Variants in WDR36 observed in about 807,000 individuals in gnomAD.
WDR36 encodes WD repeat domain 36.
In WDR36, 63 loss-of-function variants were observed where a neutral mutation model predicts 112.7. The observed-to-expected ratio is 0.56, with a 90% CI of 0.46 to 0.69. The LOEUF (loss-of-function observed/expected upper bound fraction) is 0.69. WDR36 is among the 30% of genes least tolerant of loss of function. WDR36 has a pLI of 0.00. For missense variants in WDR36, 1,226 were observed against 1,070.3 expected (o/e 1.15, Z -2.03); for synonymous variants, 410 against 362.2 (o/e 1.13, Z -1.50).
At chr5:111,099,582 G>C (rs1276181134) in intron 4 of WDR36, among the ~76,000 whole-genome samples, 1 of 150,918 alleles carries the variant, frequency 6.6e-6, no homozygotes, top group Non-Finnish European at 1.5e-5. Context: ...CAAGTAGAGG[G>C]AGGGAACAGA....
chr5:111,118,957 AT>A (rs1483556969), intron 16 of WDR36, 55 bp from the exon 17 acceptor site: 17 of 1,435,468 alleles, frequency 1.2e-5, no homozygotes, highest in Non-Finnish European at 1.6e-5. Flanking sequence ...ATTTTTGTGA[AT>A]TATCTCCTTT....
chr5:111,106,040 C>T lies in WDR36; in HGVS notation c.1094-17C>T, dbSNP rs1358171543. 1.9e-6 allele frequency: 3 copies of T among 1,586,480 alleles called. No homozygotes were observed. The African/African-American group carries it at 4.0e-5, about 21-fold the overall frequency. ...AGGATTCATAGCTATGTATGTTCCC[C>T]TTTCCCCCATCCTTAGGATTAATAA... On this transcript the variant is annotated splice_polypyrimidine_tract_variant and intron_variant, in intron 10 of 22. Transcript: ENST00000513710.
At chr5:111,093,974 A>G (rs889838967) in intron 1 of WDR36, among the ~76,000 whole-genome samples, 1 of 152,162 alleles carries the variant, frequency 6.6e-6, no homozygotes, top group African/African-American at 2.4e-5. Flanking sequence ...TACACTGCTC[A>G]GATTAACCAA....
rs2112564693 is a variant in WDR36, at chr5:111,097,139, C to G, written c.251C>G (p.Ala84Gly). Residue 84 changes from alanine to glycine, a missense_variant, in exon 3 of 23, where the codon GCT (alanine) becomes GGT (glycine). Physicochemically the swap from Ala to Gly is moderately conservative, Grantham distance 60. Coordinates refer to ENST00000513710, the MANE Select transcript of WDR36 (RefSeq NM_139281.3). ...MAADGRLVFA[A>G]YGNVFSAFAR... Reference sequence around the variant, plus strand: ...GCTGATGGCAGATTAGTCTTTGCTGCTTATGGAAATGTTTTCTCTGCATTT... The same window carrying G: ...GCTGATGGCAGATTAGTCTTTGCTGGTTATGGAAATGTTTTCTCTGCATTT... The G allele has an allele frequency of 6.2e-7, 1 of 1,613,660 alleles. No individual in the cohort carries two copies. Among genetic ancestry groups the G allele is most frequent in the East Asian group, 2.2e-5 (1 of 44,818 alleles).
rs1421170262 is a variant in WDR36 at position 111,099,898 on chromosome 5, G to A, written c.410-691G>A. On this transcript the variant is annotated intron_variant, in intron 4 of 22. Transcript: ENST00000513710. ...CCTTCTTTGATACACAAATTTACTG[G>A]AAAATAGAGTGGAACATTGTTTTAA... 2.6e-5 allele frequency among the ~76,000 whole-genome samples: 4 copies of A among 151,988 alleles called. No homozygotes were observed. In the South Asian group the frequency reaches 6.2e-4, roughly 24 times the overall value.
At chr5:111,105,701 A>G (rs1417381566) in intron 10 of WDR36, among the ~76,000 whole-genome samples, 3 of 151,252 alleles carry the variant, frequency 2.0e-5, no homozygotes, top group Non-Finnish European at 4.4e-5. Flanking sequence ...GGCATCCAAT[A>G]TTTTTGCTTT....
rs574212359 is a variant in WDR36 at position 111,104,556 on chromosome 5, C to T, written c.907-141C>T. 3.7e-5 allele frequency: 51 copies of T among 1,392,902 alleles called. No homozygotes were observed. The South Asian group carries it at 5.6e-4, about 15-fold the overall frequency. 86.3% of individuals were successfully genotyped at this position (1,392,902 alleles called of 1,614,324 possible). On this transcript the variant is annotated intron_variant, in intron 8 of 22. Transcript: ENST00000513710. ...ATTACAGTTTATTTCTCCCCCAATA[C>T]CCACTCCCTCCCTTGTAGCTCCAGA...
At chr5:111,124,865 G>A (rs1329704706) in intron 21 of WDR36, among the ~76,000 whole-genome samples, 2 of 152,170 alleles carry the variant, frequency 1.3e-5, no homozygotes, top group East Asian at 3.9e-4. Flanking sequence ...GACTTGTTAT[G>A]TTTATGGGGA....
chr5:111,123,961 G>T, intron 20 of WDR36, 37 bp downstream of exon 20: 2 of 1,612,192 alleles, frequency 1.2e-6, no homozygotes, highest in Non-Finnish European at 1.7e-6. Context: ...GTATATCGGT[G>T]TATGTTTGTA....
At chr5:111,126,319 C>G (rs868391361) in intron 22 of WDR36, among the ~76,000 whole-genome samples, 1 of 151,864 alleles carries the variant, frequency 6.6e-6, no homozygotes, top group South Asian at 2.1e-4. Context: ...AAGACTGTTA[C>G]TTTTATGATT....
At chr5:111,105,072 G>A (rs1382164951) in intron 9 of WDR36, among the ~76,000 whole-genome samples, 1 of 151,540 alleles carries the variant, frequency 6.6e-6, no homozygotes, top group Non-Finnish European at 1.5e-5. Context: ...TTAGTCTGCT[G>A]AAAATTATTA....
In WDR36 at chr5:111,130,208, G is replaced by A. The variant is rs1018384729; in HGVS notation, c.*3325G>A. ...TGGTATCTAGTTCCAGGACCCCTGT[G>A]GATACCAAAATCCAAGCAATGCCCT... On this transcript the variant is annotated 3_prime_UTR_variant, in exon 23 of 23. Coordinates refer to ENST00000513710, the MANE Select transcript of WDR36 (RefSeq NM_139281.3). The A allele has an allele frequency of 2.4e-5, 5 of 205,606 alleles. No individual in the cohort carries two copies. Among genetic ancestry groups the A allele is most frequent in the Admixed American group, 6.0e-5 (1 of 16,790 alleles). 12.7% of individuals were successfully genotyped at this position (205,606 alleles called of 1,614,324 possible). A position where few individuals can be genotyped will look rare whatever the true frequency, so the allele number is the denominator to read the frequency against.
intron 4 of WDR36, 122 bp downstream of exon 4, chr5:111,098,961 C>A (rs1189963401): frequency 5.6e-5 from 41 of 730,810 alleles, no homozygotes; most frequent in Non-Finnish European, 9.6e-5. Flanking sequence ...TTAAAAAAAT[C>A]AAAAATCTTT....
chr5:111,094,889 G>T (rs1324621275), intron 1 of WDR36, 31 bp from the exon 2 acceptor site: 3 of 1,553,958 alleles, frequency 1.9e-6, no homozygotes, highest in Non-Finnish European at 2.6e-6. Context: ...GTTTGTTAAT[G>T]AAAATTTAAC....
chr5:111,095,623 A>T (rs1230333808), intron 2 of WDR36, among the ~76,000 whole-genome samples: 1 of 152,188 alleles, frequency 6.6e-6, no homozygotes, highest in African/African-American at 2.4e-5. Flanking sequence ...TTAACAGGGA[A>T]ATATTCATTG....
intron 17 of WDR36, among the ~76,000 whole-genome samples, chr5:111,120,258 G>A (rs1021276604): frequency 6.6e-6 from 1 of 152,020 alleles, no homozygotes; most frequent in Admixed American, 6.6e-5. Flanking sequence ...TCTACTACTG[G>A]TCTGTCTTTA....
rs1753701289 is a variant in WDR36, at chr5:111,127,717, A to G, written c.*834A>G. ...GCTGTAGATGGTTAAACTGATACCA[A>G]GGATAGGTAAGGGAAATTCCAAATT... On this transcript the variant is annotated 3_prime_UTR_variant, in exon 23 of 23. Transcript: ENST00000513710. 4.7e-6 allele frequency: 1 copy of G among 211,004 alleles called. No homozygotes were observed. Among genetic ancestry groups the G allele is most frequent in the Non-Finnish European group, 9.6e-6 (1 of 103,884 alleles). 13.1% of individuals were successfully genotyped at this position (211,004 alleles called of 1,614,324 possible).
intron 2 of WDR36, among the ~76,000 whole-genome samples, chr5:111,095,972 G>A (rs1014107252): frequency 3.3e-5 from 5 of 152,190 alleles, no homozygotes; most frequent in African/African-American, 7.2e-5. Flanking sequence ...TAATGTGTAT[G>A]TGTATTAAAC....
At chr5:111,123,056 C>T (rs934713114) in intron 19 of WDR36, among the ~76,000 whole-genome samples, 43 of 152,092 alleles carry the variant, frequency 2.8e-4, no homozygotes, top group Middle Eastern at 3.4e-3. Context: ...TTGCAGTGAG[C>T]TGAGATCGCA....
Sources: allele counts gnomAD v4.1 joint callset (sites outside exome capture counted in the v4.1 genomes callset), GRCh38; gene constraint gnomAD v4.1.1; transcripts MANE v1.5; gene names NCBI Gene and HGNC (gene_info 2026-07-23, HGNC 2026-07-21).